Variants in DECR2 observed in about 807,000 individuals in gnomAD.
DECR2 encodes 2,4-dienoyl-CoA reductase 2.
In DECR2, 34 loss-of-function variants were observed where a neutral mutation model predicts 29.2. That is an observed-to-expected ratio of 1.16 (90% CI 0.89 to 1.55). DECR2 has a LOEUF of 1.55. Ranked by LOEUF, DECR2 falls within the 40% of genes most tolerant of loss-of-function variation. The pLI is 0.00. For missense variants in DECR2, 485 were observed against 425.3 expected (o/e 1.14, Z -1.23); for synonymous variants, 224 against 182.7 (o/e 1.23, Z -1.82).
intron 4 of DECR2, among the ~76,000 whole-genome samples, 200 bp downstream of exon 4, chr16:407,760 G>A (rs1249324432): frequency 2.1e-5 from 3 of 142,168 alleles, no homozygotes; most frequent in African/African-American, 8.3e-5. Context: ...CCGGCCCCCT[G>A]TCTCCGGGCC....
intron 1 of DECR2, among the ~76,000 whole-genome samples, 173 bp from the exon 2 acceptor site, chr16:404,783 C>T (rs1221925043): frequency 6.6e-6 from 1 of 152,094 alleles, no homozygotes; most frequent in Non-Finnish European, 1.5e-5. Context: ...GCACCCACCA[C>T]CACGCCCAGC....
chr16:406,596 C>T (rs1362060554), intron 3 of DECR2, 199 bp downstream of exon 3: 1 of 642,732 alleles, frequency 1.6e-6, no homozygotes, highest in Non-Finnish European at 2.7e-6. Context: ...CTCCCAGGAT[C>T]AAGCGATTCT....
Position 410,793 on chromosome 16 carries a change from A to ACCCC in DECR2, c.556+15_556+18dup, listed in dbSNP as rs35431910. The ACCCC allele has an allele frequency of 2.0e-6, 3 of 1,464,786 alleles. No individual in the cohort carries two copies. The highest frequency in any genetic ancestry group is 2.0e-5 in the Admixed American group (1 of 49,044). The allele number at this position is 1,464,786 out of a possible 1,614,324, so 90.7% of individuals were successfully genotyped here. A position where few individuals can be genotyped will look rare whatever the true frequency, so the allele number is the denominator to read the frequency against. On this transcript the variant is annotated intron_variant, in intron 6 of 8. Coordinates refer to ENST00000219481, the MANE Select transcript of DECR2 (RefSeq NM_020664.4). The surrounding 1 kb of genome is among the most constrained non-coding windows in gnomAD (Gnocchi z 4.1). ...CGCCAAGGCCGCTGTGGGTATGACC[A>ACCCC]CCCCCCCCCGCCCAGGTTTGCCCAC...
intron 3 of DECR2, 38 bp downstream of exon 3, chr16:406,435 C>CTG: frequency 1.2e-6 from 2 of 1,600,034 alleles, no homozygotes; most frequent in Non-Finnish European, 1.7e-6. Flanking sequence ...GTTCGGGTGG[C>CTG]TGTGGGGGGG....
intron 4 of DECR2, chr16:409,963 T>C: frequency 2.2e-6 from 1 of 464,834 alleles, no homozygotes; most frequent in East Asian, 3.5e-5. Context: ...TTCAGTGTAA[T>C]TCGATTATCT....
At chr16:404,115 G>C (rs2141804313) in intron 1 of DECR2, among the ~76,000 whole-genome samples, 1 of 152,144 alleles carries the variant, frequency 6.6e-6, no homozygotes, top group Non-Finnish European at 1.5e-5. Context: ...GGAGTTTGCA[G>C]TGAGCCTAGA....
chr16:406,742 C>T (rs2054729083), intron 3 of DECR2: 3 of 630,788 alleles, frequency 4.8e-6, no homozygotes, highest in South Asian at 3.9e-5. Flanking sequence ...TCAGGTGATC[C>T]GCCCACCTCA....
At chr16:407,280 C>G in intron 3 of DECR2, 145 bp from the exon 4 acceptor site, 1 of 1,454,566 alleles carries the variant, frequency 6.9e-7, no homozygotes, top group South Asian at 1.5e-5. Context: ...TGGGCACTTG[C>G]AGGCTGTGCT....
chr16:406,484 G>A (rs781705837), intron 3 of DECR2, 87 bp downstream of exon 3: 284 of 1,393,572 alleles, frequency 2.0e-4, no homozygotes, highest in Non-Finnish European at 2.7e-4. Context: ...CAGAGGCTAT[G>A]GGGATGTTGG....
chr16:408,108 C>T (rs866136626), intron 4 of DECR2, among the ~76,000 whole-genome samples: 1 of 34,500 alleles, frequency 2.9e-5, no homozygotes, highest in African/African-American at 1.2e-4. Flanking sequence ...CCCCTGTCTC[C>T]GGACCTCTGT....
rs77049932 is a variant in DECR2, at chr16:407,357, G to C, written c.202-68G>C. The C allele has an allele frequency of 3.7e-3, 5,663 of 1,528,558 alleles. 195 individuals are homozygous for C. In the African/African-American group the frequency reaches 0.069, roughly 19 times the overall value. The allele number at this position is 1,528,558 out of a possible 1,614,324, so 94.7% of individuals were successfully genotyped here. ...GAACCCGGAAGCATCGTCCTCTGCA[G>C]ATTCCAAAGGCCTTTTCTCCAGGCC... On this transcript the variant is annotated intron_variant, in intron 3 of 8. Coordinates refer to ENST00000219481, the MANE Select transcript of DECR2 (RefSeq NM_020664.4).
At chr16:407,844 T>TCCGGGC (rs2054748561) in intron 4 of DECR2, among the ~76,000 whole-genome samples, 2 of 140,998 alleles carry the variant, frequency 1.4e-5, no homozygotes, top group African/African-American at 5.4e-5. Flanking sequence ...GCCCCCTGTC[T>TCCGGGC]CTGGGCCTCT....
Position 401,934 on chromosome 16 carries a change from G to C in DECR2, c.-30G>C. ...CTGGAGGCCGAGGCCGCTCCCGCCC[G>C]TTGTCCCCGCAGTCCCCGACGGGAG... On this transcript the variant is annotated 5_prime_UTR_variant, in exon 1 of 9. Coordinates refer to ENST00000219481, the MANE Select transcript of DECR2 (RefSeq NM_020664.4). The C allele has an allele frequency of 6.8e-7, 1 of 1,474,812 alleles. No individual in the cohort carries two copies. The highest frequency in any genetic ancestry group is 8.9e-7 in the Non-Finnish European group (1 of 1,119,594). The allele number at this position is 1,474,812 out of a possible 1,614,324, so 91.4% of individuals were successfully genotyped here. A position where few individuals can be genotyped will look rare whatever the true frequency, so the allele number is the denominator to read the frequency against.
Position 411,584 on chromosome 16 carries a change from G to A in DECR2, c.*6G>A, listed in dbSNP as rs752500839. 1.6e-5 allele frequency: 25 copies of A among 1,605,562 alleles called. No homozygotes were observed. In the East Asian group the frequency reaches 4.9e-4, roughly 32 times the overall value. Reference sequence around the variant, plus strand: ...CCTTCTCTGCTAAGCTCTAGGTGAGGTACTGCTCCCGCTTCTTGGGGTCAT... The same window carrying A: ...CCTTCTCTGCTAAGCTCTAGGTGAGATACTGCTCCCGCTTCTTGGGGTCAT... On this transcript the variant is annotated splice_donor_region_variant and intron_variant, in intron 8 of 8. Transcript: ENST00000219481.
intron 3 of DECR2, 97 bp from the exon 4 acceptor site, chr16:407,328 C>T (rs1414572137): frequency 4.0e-5 from 59 of 1,488,148 alleles, no homozygotes; most frequent in Non-Finnish European, 4.5e-5. Context: ...CCAGGGTCCC[C>T]GAGGAACCCG....
Position 408,072 on chromosome 16 carries a change from C to T in DECR2, c.337+512C>T, listed in dbSNP as rs187071854. 1.6e-3 allele frequency among the ~76,000 whole-genome samples: 10 copies of T among 6,136 alleles called. 1 individual carries two copies. The highest frequency in any genetic ancestry group is 7.2e-3 in the African/African-American group (8 of 1,106). 4.0% of individuals were successfully genotyped at this position (6,136 alleles called of 152,430 possible). A position where few individuals can be genotyped will look rare whatever the true frequency, so the allele number is the denominator to read the frequency against. ...GTCTCCGGCCCTCTGTCTCCGGGCC[C>T]CTGTCTCCGGGCCCCTGTCTCCAGC... On this transcript the variant is annotated intron_variant, in intron 4 of 8. Transcript: ENST00000219481.
rs749387015 is a variant in DECR2, at chr16:406,387, G to A, written c.191G>A (p.Arg64Gln). 33 of 1,607,746 alleles carry A rather than the reference G, an allele frequency of 2.1e-5. No homozygotes were observed. Among genetic ancestry groups the A allele is most frequent in the South Asian group, 1.4e-4 (13 of 91,068 alleles). Residue 64 changes from arginine to glutamine, a missense_variant, in exon 3 of 9, where the codon CGA (arginine) becomes CAA (glutamine). Physicochemically the swap from Arg to Gln is conservative, Grantham distance 43 (BLOSUM62 1). Coordinates refer to ENST00000219481, the MANE Select transcript of DECR2 (RefSeq NM_020664.4). ...GTGATTGCCAGTAGGAGCCTGCCGC[G>A]AGTGCTGACGGTGAGAGGGCCTCTC... ...HTVIASRSLP[R>Q]VLTAARKLAG...
At chr16:403,166 G>C in intron 1 of DECR2, 1 of 290,084 alleles carries the variant, frequency 3.4e-6, no homozygotes, top group Non-Finnish European at 5.1e-6. Context: ...TGGGACTATA[G>C]GCACACAATA....
At position 411,554 on chromosome 16, in the gene DECR2, C is replaced by G. The variant is rs370013477; in HGVS notation, c.855C>G (p.Phe285Leu). The G allele has an allele frequency of 1.2e-4, 188 of 1,613,436 alleles. No homozygotes were observed. The highest frequency in any genetic ancestry group is 1.4e-4 in the Non-Finnish European group (168 of 1,179,766). The stretch of plus-strand genomic sequence containing the variant: ...ACGGTGTCAAAGGGCTGCCGGATTT[C>G]GCATCCTTCTCTGCTAAGCTCTAGG... ...FPNGVKGLPD[F>L]ASFSAKL The change falls in exon 8 of 9, where the codon TTC becomes TTG. Residue 285 changes from phenylalanine to leucine, a missense_variant. Phe to Leu is a conservative substitution (Grantham distance 22). Transcript: ENST00000219481.
Sources: gnomAD v4.1 joint callset for allele counts (sites outside exome capture counted in the v4.1 genomes callset) on GRCh38, gnomAD v4.1.1 for gene constraint, Gnocchi (gnomAD v3.1) non-coding constraint, MANE v1.5 for transcripts, NCBI Gene and HGNC (gene_info 2026-07-23, HGNC 2026-07-21) for gene names.